Variants in NMNAT2 observed in about 807,000 individuals in gnomAD.
The protein encoded by NMNAT2 is nicotinamide nucleotide adenylyltransferase 2, also known as nicotinamide/nicotinic acid mononucleotide adenylyltransferase 2.
NMNAT2 carries 11 observed loss-of-function variants against 41.6 expected under a neutral mutation model. That is an observed-to-expected ratio of 0.26 (90% CI 0.17 to 0.44). NMNAT2 has a LOEUF of 0.44. Ranked by LOEUF, NMNAT2 falls within the 20% of genes least tolerant of loss-of-function variation. The pLI, the probability that NMNAT2 is intolerant of heterozygous loss-of-function variation, is 1.00. For missense variants in NMNAT2, 288 were observed against 407.7 expected (o/e 0.71, Z 2.53); for synonymous variants, 148 against 151.2 (o/e 0.98, Z 0.16).
chr1:183,367,633 C>G (rs969944129), intron 1 of NMNAT2, among the ~76,000 whole-genome samples: 1 of 152,078 alleles, frequency 6.6e-6, no homozygotes, highest in Admixed American at 6.6e-5. Flanking sequence ...CATGAGTAGT[C>G]GAGGGCAACA....
chr1:183,372,819 A>T (rs977676936), intron 1 of NMNAT2, among the ~76,000 whole-genome samples: 7 of 152,258 alleles, frequency 4.6e-5, no homozygotes, highest in Middle Eastern at 3.2e-3. Context: ...ATGACATAAA[A>T]AAGAATTCAG....
intron 1 of NMNAT2, among the ~76,000 whole-genome samples, chr1:183,417,116 C>T (rs552913505): frequency 6.6e-6 from 1 of 152,174 alleles, no homozygotes; most frequent in Non-Finnish European, 1.5e-5. Flanking sequence ...TCCCTCTTTC[C>T]GTGTCTAAAC....
intron 2 of NMNAT2, 86 bp downstream of exon 2, chr1:183,293,619 C>T (rs1404556803): frequency 2.2e-5 from 20 of 928,376 alleles, no homozygotes; most frequent in African/African-American, 1.3e-4. Flanking sequence ...AGAGACAGAG[C>T]GGGGGCAGTT....
chr1:183,378,143 G>C (rs1663718773), intron 1 of NMNAT2, among the ~76,000 whole-genome samples: 1 of 152,100 alleles, frequency 6.6e-6, no homozygotes, highest in Admixed American at 6.5e-5. Flanking sequence ...TATAACCCCA[G>C]CACTTTGGGA....
At chr1:183,277,130 A>T (rs1166930853) in intron 8 of NMNAT2, among the ~76,000 whole-genome samples, 1 of 152,142 alleles carries the variant, frequency 6.6e-6, no homozygotes, top group Non-Finnish European at 1.5e-5. Flanking sequence ...TTCCAAACCC[A>T]TGGGACGTAG....
intron 8 of NMNAT2, among the ~76,000 whole-genome samples, chr1:183,264,313 A>C (rs1012946684): frequency 6.6e-6 from 1 of 152,038 alleles, no homozygotes; most frequent in Admixed American, 6.6e-5. Context: ...CTCTCCACTC[A>C]GTACCTAATG....
intron 1 of NMNAT2, among the ~76,000 whole-genome samples, chr1:183,320,387 T>G (rs1319445850): frequency 6.6e-6 from 1 of 152,154 alleles, no homozygotes; most frequent in Admixed American, 6.5e-5. Context: ...CAGATCGCCC[T>G]GAGGTCAGGA....
chr1:183,321,050 T>C (rs1662346823), intron 1 of NMNAT2, among the ~76,000 whole-genome samples: 1 of 152,196 alleles, frequency 6.6e-6, no homozygotes, highest in Admixed American at 6.5e-5. Flanking sequence ...TTCTCCTCTA[T>C]AAAATTGGTT....
chr1:183,402,070 A>T (rs1011649176), intron 1 of NMNAT2, among the ~76,000 whole-genome samples: 2 of 132,626 alleles, frequency 1.5e-5, no homozygotes, highest in African/African-American at 3.2e-5. Flanking sequence ...AAAGTATAAT[A>T]AAAAAAAAAT....
chr1:183,285,039 G>A (rs1316228039), intron 5 of NMNAT2, among the ~76,000 whole-genome samples: 2 of 152,202 alleles, frequency 1.3e-5, no homozygotes, highest in Admixed American at 1.3e-4. Context: ...TTCTGGTTAT[G>A]TTTATTTCAT....
Position 183,251,946 on chromosome 1 carries a change from TGC to T in NMNAT2, c.*693_*694del. 2 of 156,150 alleles carry T rather than the reference TGC, an allele frequency of 1.3e-5. No homozygotes were observed. Among genetic ancestry groups the T allele is most frequent in the South Asian group, 1.9e-4 (1 of 5,366 alleles). The allele number at this position is 156,150 out of a possible 1,614,324, so 9.7% of individuals were successfully genotyped here. A position where few individuals can be genotyped will look rare whatever the true frequency, so the allele number is the denominator to read the frequency against. ...ACGCATGTGTGCGTGTGTGTGTGTGTGCGTGTGTGTGGTGCTGAAGAAGTGGA... is the reference window on the plus strand; with the variant it reads ...ACGCATGTGTGCGTGTGTGTGTGTGTGTGTGTGTGGTGCTGAAGAAGTGGA... On this transcript the variant is annotated 3_prime_UTR_variant, in exon 11 of 11. Coordinates refer to ENST00000287713, the MANE Select transcript of NMNAT2 (RefSeq NM_015039.4).
intron 1 of NMNAT2, among the ~76,000 whole-genome samples, chr1:183,406,860 C>T (rs1257942233): frequency 7.2e-6 from 1 of 139,588 alleles, no homozygotes; most frequent in Non-Finnish European, 1.5e-5. Context: ...ACTCTGTTAC[C>T]CAGGCTGGAG....
intron 1 of NMNAT2, among the ~76,000 whole-genome samples, chr1:183,387,432 C>A (rs1648278039): frequency 6.6e-6 from 1 of 152,088 alleles, no homozygotes; most frequent in Non-Finnish European, 1.5e-5. Flanking sequence ...GCTCTTACAG[C>A]CACACATCTA....
At chr1:183,405,687 T>G (rs1368324323) in intron 1 of NMNAT2, among the ~76,000 whole-genome samples, 1 of 151,990 alleles carries the variant, frequency 6.6e-6, no homozygotes, top group Non-Finnish European at 1.5e-5. Context: ...ATTTTTATTG[T>G]TTTTTTTGTT....
intron 1 of NMNAT2, among the ~76,000 whole-genome samples, chr1:183,298,539 T>C (rs989174665): frequency 2.0e-5 from 3 of 152,180 alleles, no homozygotes; most frequent in African/African-American, 4.8e-5. Context: ...TCAAAGAAGA[T>C]CTAAATAAAT....
At chr1:183,381,355 C>T (rs962290955) in intron 1 of NMNAT2, among the ~76,000 whole-genome samples, 3 of 152,090 alleles carry the variant, frequency 2.0e-5, no homozygotes, top group South Asian at 4.1e-4. Context: ...TAACCAGAGC[C>T]AATAGCACAT....
At chr1:183,328,977 C>T (rs1662524170) in intron 1 of NMNAT2, among the ~76,000 whole-genome samples, 1 of 152,112 alleles carries the variant, frequency 6.6e-6, no homozygotes, top group Admixed American at 6.6e-5. Flanking sequence ...GCAGAGGTAG[C>T]AGAGGTAGCA....
At chr1:183,338,800 C>T (rs1305058824) in intron 1 of NMNAT2, among the ~76,000 whole-genome samples, 1 of 152,118 alleles carries the variant, frequency 6.6e-6, no homozygotes, top group Non-Finnish European at 1.5e-5. Flanking sequence ...AGGATCTGAC[C>T]ACTACAATGA....
chr1:183,403,132 C>A (rs1341362977), intron 1 of NMNAT2, among the ~76,000 whole-genome samples: 1 of 152,018 alleles, frequency 6.6e-6, no homozygotes, highest in Non-Finnish European at 1.5e-5. Context: ...CGGGGTTTCA[C>A]CATGTTGGCT....
Sources: allele counts gnomAD v4.1 joint callset (sites outside exome capture counted in the v4.1 genomes callset), GRCh38; gene constraint gnomAD v4.1.1; transcripts MANE v1.5; gene names NCBI Gene and HGNC (gene_info 2026-07-23, HGNC 2026-07-21).